The following PPFIA2 variants were observed in gnomAD, a reference collection of about 807,000 sequenced individuals.
PPFIA2 encodes the protein PPFI scaffold protein A2, also known as liprin-alpha-2.
A neutral mutation model predicts 175.5 loss-of-function variants in PPFIA2; 46 were observed. The observed-to-expected ratio is 0.26, with a 90% CI of 0.21 to 0.34. The LOEUF (loss-of-function observed/expected upper bound fraction) is 0.34, where lower values mean the gene tolerates loss of function less well. Among genes scored for constraint, PPFIA2 ranks in the 10% least tolerant of loss-of-function variants. PPFIA2 has a pLI of 1.00. For synonymous variants in PPFIA2, 568 were observed against 511.4 expected (o/e 1.11, Z -1.49); for missense variants, 1,179 against 1,506.1 (o/e 0.78, Z 3.60).
chr12:81,561,220 T>G (rs2070002680), intron 4 of PPFIA2, among the ~76,000 whole-genome samples: 1 of 152,194 alleles, frequency 6.6e-6, no homozygotes, highest in Admixed American at 6.5e-5. Context: ...GCAAACTTCA[T>G]GAACAGAATA....
At chr12:81,475,489 T>A (rs1291860654) in intron 4 of PPFIA2, among the ~76,000 whole-genome samples, 1 of 152,222 alleles carries the variant, frequency 6.6e-6, no homozygotes, top group Non-Finnish European at 1.5e-5. Flanking sequence ...TACAATTTGC[T>A]ATTTATTATT....
At chr12:81,404,944 C>G (rs2042675788) in intron 8 of PPFIA2, among the ~76,000 whole-genome samples, 1 of 152,150 alleles carries the variant, frequency 6.6e-6, no homozygotes, top group South Asian at 2.1e-4. Context: ...ATGTGGTCTT[C>G]ATTTAGGAGC....
rs1024852621 is a variant in PPFIA2 at position 81,658,791 on chromosome 12, C to T, written c.303+18000G>A. Among the ~76,000 whole-genome samples, 23 of 151,880 alleles carry T rather than the reference C, an allele frequency of 1.5e-4. No individual in the cohort carries two copies. The East Asian group carries it at 4.1e-3, about 27-fold the overall frequency. On this transcript the variant is annotated intron_variant, in intron 4 of 32. Transcript: ENST00000549396. ...AAGAAACAAATGTATGTCTAATAAA[C>T]ATAAATAGAAAAGGAAGGGAGAAAA...
chr12:81,495,043 T>C (rs908302681), intron 4 of PPFIA2, among the ~76,000 whole-genome samples: 15 of 151,704 alleles, frequency 9.9e-5, no homozygotes, highest in Non-Finnish European at 2.2e-4. Context: ...TGTATACATA[T>C]GTAACTAACC....
At chr12:81,548,594 A>C (rs1294974452) in intron 4 of PPFIA2, among the ~76,000 whole-genome samples, 1 of 152,200 alleles carries the variant, frequency 6.6e-6, no homozygotes, top group South Asian at 2.1e-4. Flanking sequence ...AAGTCTCTCA[A>C]GTAGGTGGAA....
intron 4 of PPFIA2, among the ~76,000 whole-genome samples, chr12:81,553,661 G>A (rs1365464398): frequency 2.0e-5 from 3 of 152,068 alleles, no homozygotes; most frequent in Non-Finnish European, 4.4e-5. Flanking sequence ...AGACATGTGA[G>A]TGAAGAAACC....
intron 4 of PPFIA2, among the ~76,000 whole-genome samples, chr12:81,548,116 T>A (rs146418234): frequency 8.1e-4 from 124 of 152,268 alleles, no homozygotes; most frequent in African/African-American, 2.7e-3. Context: ...TTAGAAAAGA[T>A]CAGTAATTTT....
chr12:81,477,237 A>G (rs1030441381), intron 4 of PPFIA2, among the ~76,000 whole-genome samples: 1 of 152,134 alleles, frequency 6.6e-6, no homozygotes, highest in African/African-American at 2.4e-5. Flanking sequence ...AAGAAAAAAA[A>G]GGAAATTTAG....
At chr12:81,750,847 A>G (rs2083664921) in intron 3 of PPFIA2, among the ~76,000 whole-genome samples, 1 of 152,176 alleles carries the variant, frequency 6.6e-6, no homozygotes, top group African/African-American at 2.4e-5. Flanking sequence ...CATAAAGTTT[A>G]TCTCTGCTTT....
intron 4 of PPFIA2, among the ~76,000 whole-genome samples, chr12:81,564,450 T>C (rs1054352113): frequency 6.6e-6 from 1 of 152,158 alleles, no homozygotes; most frequent in Non-Finnish European, 1.5e-5. Context: ...CTGACCAAAA[T>C]AGGTTGTCTG....
intron 4 of PPFIA2, among the ~76,000 whole-genome samples, chr12:81,495,415 T>C (rs926775711): frequency 2.0e-5 from 3 of 152,132 alleles, no homozygotes; most frequent in African/African-American, 7.2e-5. Flanking sequence ...TTGTAGTTCC[T>C]TTTTTTATAA....
chr12:81,719,696 TCA>T (rs1389744750), intron 3 of PPFIA2, among the ~76,000 whole-genome samples: 5 of 151,504 alleles, frequency 3.3e-5, no homozygotes, highest in African/African-American at 1.2e-4. Flanking sequence ...CTTAAAAAGA[TCA>T]CAGATGAAAA....
intron 4 of PPFIA2, among the ~76,000 whole-genome samples, chr12:81,542,451 CAAAT>C (rs1333599937): frequency 3.3e-5 from 5 of 152,066 alleles, no homozygotes; most frequent in Non-Finnish European, 5.9e-5. Context: ...ACACAGGAAA[CAAAT>C]AAAATAGATA....
intron 14 of PPFIA2, among the ~76,000 whole-genome samples, chr12:81,366,536 T>G (rs1477167612): frequency 6.6e-6 from 1 of 151,634 alleles, no homozygotes; most frequent in Non-Finnish European, 1.5e-5. Flanking sequence ...ATCATGGTCT[T>G]TCCTACCTGT....
At chr12:81,284,082 A>G (rs1248902935) in intron 25 of PPFIA2, 159 bp downstream of exon 25, 2 of 601,596 alleles carry the variant, frequency 3.3e-6, no homozygotes, top group African/African-American at 1.9e-5. Context: ...ATTTCAAGAG[A>G]GTGCAGTAAA....
chr12:81,669,813 T>C (rs968058634), intron 4 of PPFIA2, among the ~76,000 whole-genome samples: 3 of 151,940 alleles, frequency 2.0e-5, no homozygotes, highest in African/African-American at 7.2e-5. Context: ...AAGGAAGTAA[T>C]GAAGAGTCTC....
At position 81,457,912 on chromosome 12, in the gene PPFIA2, A is replaced by G. The variant is rs1463926636; in HGVS notation, c.304-46T>C. 4 of 1,319,236 alleles carry G rather than the reference A, an allele frequency of 3.0e-6. No individual in the cohort carries two copies. In the African/African-American group the frequency reaches 6.0e-5, roughly 20 times the overall value. The allele number at this position is 1,319,236 out of a possible 1,614,324, so 81.7% of individuals were successfully genotyped here. A position where few individuals can be genotyped will look rare whatever the true frequency, so the allele number is the denominator to read the frequency against. On this transcript the variant is annotated intron_variant, in intron 4 of 32. Transcript: ENST00000549396. ...TTTGAAGAAATATTCAAGATCTAAA[A>G]GCAGAAAAAAATTCAAAATATAAAT... is the stretch of plus-strand genomic sequence containing the variant.
chr12:81,332,016 CT>C (rs771976639), intron 21 of PPFIA2, among the ~76,000 whole-genome samples: 2 of 152,088 alleles, frequency 1.3e-5, no homozygotes, highest in Non-Finnish European at 2.9e-5. Flanking sequence ...GTTAATTTCC[CT>C]AGAAATAGTA....
intron 22 of PPFIA2, among the ~76,000 whole-genome samples, chr12:81,311,758 A>G (rs1368603563): frequency 6.9e-6 from 1 of 144,086 alleles, no homozygotes; most frequent in Non-Finnish European, 1.5e-5. Context: ...AAAAAGAAAG[A>G]AAGAAAGAAA....
Sources: gnomAD v4.1 joint callset for allele counts (sites outside exome capture counted in the v4.1 genomes callset) on GRCh38, gnomAD v4.1.1 for gene constraint, MANE v1.5 for transcripts, NCBI Gene and HGNC (gene_info 2026-07-23, HGNC 2026-07-21) for gene names.